ANKRD26: variants seen among roughly 807,000 people sequenced by gnomAD.
ANKRD26 encodes the protein ankyrin repeat domain-containing protein 26.
A neutral mutation model predicts 208.7 loss-of-function variants in ANKRD26; 141 were observed. The observed-to-expected ratio is 0.68, with a 90% CI of 0.59 to 0.78. The LOEUF (loss-of-function observed/expected upper bound fraction) is 0.78, where lower values mean the gene tolerates loss of function less well. Ranked by LOEUF, ANKRD26 falls within the 30% of genes least tolerant of loss-of-function variation. The pLI is 0.00. For synonymous variants in ANKRD26, 636 were observed against 660.4 expected, an observed-to-expected ratio of 0.96 and a Z score of 0.57; for missense variants, 1,889 against 1,938.7, an observed-to-expected ratio of 0.97 and a Z score of 0.48.
rs2055154214 is a variant in ANKRD26 at position 27,063,987 on chromosome 10, C to A, written c.1363+1G>T. ...TTTTAAAAATGAAATATAGCTCTTA[C>A]CTTCTGCTTGTTCATTTCCTATATT... On this transcript the variant is annotated splice_donor_variant, in intron 12 of 33. Coordinates refer to ENST00000376087, the MANE Select transcript of ANKRD26 (RefSeq NM_014915.3). LOFTEE classifies it high-confidence loss of function. 6.2e-7 allele frequency: 1 copy of A among 1,600,678 alleles called. No individual in the cohort carries two copies. Among genetic ancestry groups the A allele is most frequent in the Non-Finnish European group, 8.5e-7 (1 of 1,171,220 alleles).
rs753674033 is a variant in ANKRD26 at position 27,024,462 on chromosome 10, T to C, written c.4070A>G (p.Glu1357Gly). Residue 1357 changes from glutamate to glycine, a missense_variant, in exon 28 of 34, where the codon GAA becomes GGA. Transcript: ENST00000376087. ...DQEMKKNVEL[E>G]REITGFKNLL... is the part of the protein sequence containing the mutation. ...AAAATCTTACCCAGTTATCTCTCTT[T>C]CTAATTCAACATTTTTCTTCATTTC... 1 of 1,523,484 alleles carries C rather than the reference T, an allele frequency of 6.6e-7. No homozygotes were observed. The highest frequency in any genetic ancestry group is 9.1e-7 in the Non-Finnish European group (1 of 1,102,034). 94.4% of individuals were successfully genotyped at this position (1,523,484 alleles called of 1,614,324 possible). A position where few individuals can be genotyped will look rare whatever the true frequency, so the allele number is the denominator to read the frequency against.
downstream of ANKRD26, among the ~76,000 whole-genome samples, chr10:26,969,256 ATC>A (rs1322943040): frequency 1.3e-5 from 2 of 152,164 alleles, no homozygotes; most frequent in African/African-American, 4.8e-5. Context: ...GTCAGGAAAT[ATC>A]TCTGTGTATA....
chr10:27,001,049 T>G (rs12779034), downstream of ANKRD26, among the ~76,000 whole-genome samples: 1 of 152,076 alleles, frequency 6.6e-6, no homozygotes, highest in African/African-American at 2.4e-5. Flanking sequence ...AATAACTCAA[T>G]ATTCTAAATG....
intron 1 of ANKRD26, among the ~76,000 whole-genome samples, chr10:27,095,080 G>T (rs2056423944): frequency 6.6e-6 from 1 of 151,624 alleles, no homozygotes. Flanking sequence ...CAATATCTCT[G>T]ACATTGGAAT....
chr10:27,067,421 GT>G (rs111776754), intron 9 of ANKRD26, 135 bp from the exon 10 acceptor site: 14,398 of 773,914 alleles, frequency 0.019, no homozygotes, highest in East Asian at 0.021. Flanking sequence ...TGGGGGCATA[GT>G]TTTTTTTTTT....
intron 27 of ANKRD26, among the ~76,000 whole-genome samples, chr10:27,028,465 C>T (rs891704281): frequency 5.3e-5 from 8 of 150,814 alleles, no homozygotes; most frequent in South Asian, 4.2e-4. Flanking sequence ...GGTGTGGTGG[C>T]GGGCTCCTGT....
the ANKRD26 span, among the ~76,000 whole-genome samples, chr10:26,953,289 G>C: frequency 6.6e-6 from 1 of 152,114 alleles, no homozygotes; most frequent in Non-Finnish European, 1.5e-5. Context: ...CAGGCGTGGT[G>C]GTGTGTGCCT....
Position 27,059,319 on chromosome 10 carries a change from G to A in ANKRD26, c.1564+1026C>T, listed in dbSNP as rs566232802. The stretch of plus-strand genomic sequence containing the variant: ...AACTTAAACCAGAGCTACTTGTGTC[G>A]ATACGGGTAGATCTGAAAAATATAA... On this transcript the variant is annotated intron_variant, in intron 15 of 33. Transcript: ENST00000376087. 3.3e-5 allele frequency among the ~76,000 whole-genome samples: 5 copies of A among 152,268 alleles called. No individual in the cohort carries two copies. In the South Asian group the frequency reaches 8.3e-4, roughly 25 times the overall value.
intron 5 of ANKRD26, among the ~76,000 whole-genome samples, chr10:26,979,657 T>C (rs1391984709): frequency 1.5e-4 from 23 of 152,198 alleles, no homozygotes; most frequent in Admixed American, 1.2e-3. Flanking sequence ...GTTATGATTA[T>C]ATTAATCTTT....
At chr10:27,044,440 T>G (rs929429237) in intron 18 of ANKRD26, among the ~76,000 whole-genome samples, 3 of 151,124 alleles carry the variant, frequency 2.0e-5, no homozygotes, top group African/African-American at 7.3e-5. Context: ...ACAAACAAAT[T>G]TAGATCAAGC....
intron 9 of ANKRD26, among the ~76,000 whole-genome samples, chr10:27,074,302 T>C (rs1435812804): frequency 6.6e-6 from 1 of 152,174 alleles, no homozygotes; most frequent in African/African-American, 2.4e-5. Flanking sequence ...AGGATCTTAA[T>C]GAAAAATTTT....
chr10:27,096,909 C>T (rs190743294), intron 1 of ANKRD26, among the ~76,000 whole-genome samples: 7 of 152,100 alleles, frequency 4.6e-5, no homozygotes, highest in Admixed American at 3.9e-4. Flanking sequence ...TTATAACTAG[C>T]GGTGGTTCAC....
Position 27,093,342 on chromosome 10 carries a change from T to A in ANKRD26, c.531+7A>T. The stretch of plus-strand genomic sequence containing the variant: ...ATACTGTAAAAATAAAGTTGGTTGA[T>A]CTATACCTTGTTTTTTGCTTCAATA... On this transcript the variant is annotated splice_region_variant and intron_variant, in intron 3 of 33. Transcript: ENST00000376087. The A allele has an allele frequency of 2.5e-6, 4 of 1,612,826 alleles. No individual in the cohort carries two copies. Among genetic ancestry groups the A allele is most frequent in the Non-Finnish European group, 3.4e-6 (4 of 1,179,256 alleles).
At chr10:26,969,964 A>G (rs2052120308), downstream of ANKRD26, among the ~76,000 whole-genome samples, 1 of 151,718 alleles carries the variant, frequency 6.6e-6, no homozygotes, top group Non-Finnish European at 1.5e-5. Flanking sequence ...CCTCCTGAGT[A>G]GCTGGGATTA....
At chr10:27,038,310 A>G (rs2054110380) in intron 21 of ANKRD26, among the ~76,000 whole-genome samples, 1 of 152,192 alleles carries the variant, frequency 6.6e-6, no homozygotes. Context: ...GATAAATATT[A>G]TGGAAAAAGA....
intron 21 of ANKRD26, 107 bp from the exon 22 acceptor site, chr10:27,038,161 A>G: frequency 2.3e-6 from 2 of 886,490 alleles, no homozygotes; most frequent in South Asian, 1.6e-5. Context: ...TACAATTTCT[A>G]TGTTCTTGAA....
chr10:27,076,115 C>A (rs1227670856), intron 9 of ANKRD26, among the ~76,000 whole-genome samples: 1 of 151,958 alleles, frequency 6.6e-6, no homozygotes, highest in Non-Finnish European at 1.5e-5. Flanking sequence ...AACATCACAC[C>A]TCAGGAAATT....
chr10:27,034,989 T>C lies in ANKRD26; in HGVS notation c.3461A>G (p.His1154Arg), dbSNP rs529002062. The change falls in exon 24 of 34, where the codon CAC (histidine) becomes CGC (arginine). Residue 1154 changes from histidine (H) to arginine (R), a missense_variant. Coordinates refer to ENST00000376087, the MANE Select transcript of ANKRD26 (RefSeq NM_014915.3). ...CTTCTCTTTATTGTCAGCCTTGTTGTGGGCATCATCCAGTTGTTGTCGAAG... is the reference window on the plus strand; with the variant it reads ...CTTCTCTTTATTGTCAGCCTTGTTGCGGGCATCATCCAGTTGTTGTCGAAG... ...MLLRQQLDDA[H>R]NKADNKEKTV... The C allele has an allele frequency of 3.1e-6, 5 of 1,614,126 alleles. No homozygotes were observed. Among genetic ancestry groups the C allele is most frequent in the Admixed American group, 1.7e-5 (1 of 60,018 alleles).
At chr10:26,990,072 C>T (rs1179565173), downstream of ANKRD26, among the ~76,000 whole-genome samples, 1 of 152,182 alleles carries the variant, frequency 6.6e-6, no homozygotes, top group Admixed American at 6.5e-5. Context: ...TTGAAAGTAG[C>T]TCTCCCATTC....
Sources: gnomAD v4.1 joint callset for allele counts (sites outside exome capture counted in the v4.1 genomes callset) on GRCh38, gnomAD v4.1.1 for gene constraint, MANE v1.5 for transcripts, NCBI Gene and HGNC (gene_info 2026-07-23, HGNC 2026-07-21) for gene names.